Variants in CAMTA1 observed in about 807,000 individuals in gnomAD.
CAMTA1 encodes calmodulin-binding transcription activator 1.
Under a neutral mutation model 170.9 loss-of-function variants are expected in CAMTA1, and 27 were observed. That is an observed-to-expected ratio of 0.16 (90% CI 0.12 to 0.22). CAMTA1 has a LOEUF of 0.22. Ranked by LOEUF, CAMTA1 falls within the 10% of genes least tolerant of loss-of-function variation. The pLI is 1.00. For missense variants in CAMTA1, 1,619 were observed against 2,217.2 expected (o/e 0.73, Z 5.42); for synonymous variants, 833 against 891.5 (o/e 0.93, Z 1.17).
chr1:7,023,370 G>C (rs966574531), intron 3 of CAMTA1, among the ~76,000 whole-genome samples: 2 of 152,224 alleles, frequency 1.3e-5, no homozygotes, highest in African/African-American at 4.8e-5. Flanking sequence ...AAAACTGGGG[G>C]ACTCCCAATG....
chr1:7,676,353 A>T (rs1308593785), intron 10 of CAMTA1, among the ~76,000 whole-genome samples: 1 of 151,978 alleles, frequency 6.6e-6, no homozygotes, highest in East Asian at 1.9e-4. Context: ...CAGAGGAAAA[A>T]CCCATGGGTC....
At chr1:6,964,490 CTT>C (rs1691170657) in intron 3 of CAMTA1, among the ~76,000 whole-genome samples, 1 of 152,124 alleles carries the variant, frequency 6.6e-6, no homozygotes, top group Non-Finnish European at 1.5e-5. Flanking sequence ...ACACTGCAGT[CTT>C]TGTTTCTTGG....
intron 5 of CAMTA1, among the ~76,000 whole-genome samples, chr1:7,434,184 C>T (rs2149374212): frequency 6.6e-6 from 1 of 152,326 alleles, no homozygotes; most frequent in East Asian, 1.9e-4. Flanking sequence ...GGCTGGCCCT[C>T]TGCTGCTCTG....
intron 6 of CAMTA1, among the ~76,000 whole-genome samples, chr1:7,573,106 T>C (rs1452717251): frequency 2.0e-5 from 3 of 152,224 alleles, no homozygotes; most frequent in Non-Finnish European, 2.9e-5. Context: ...GTTCTTGCAC[T>C]GGGCAAACCT....
chr1:6,844,476 A>G (rs148276519), intron 3 of CAMTA1, among the ~76,000 whole-genome samples: 10 of 149,282 alleles, frequency 6.7e-5, no homozygotes, highest in African/African-American at 2.5e-4. Context: ...GTTCAAGACC[A>G]GCCTGGGCAA....
At chr1:6,872,748 C>T (rs761205587) in intron 3 of CAMTA1, among the ~76,000 whole-genome samples, 2 of 152,086 alleles carry the variant, frequency 1.3e-5, no homozygotes, top group African/African-American at 2.4e-5. Flanking sequence ...TTTGAACTGG[C>T]AAGATACTCC....
At chr1:6,851,951 T>C (rs1660521980) in intron 3 of CAMTA1, among the ~76,000 whole-genome samples, 1 of 151,218 alleles carries the variant, frequency 6.6e-6, no homozygotes, top group African/African-American at 2.4e-5. Context: ...AAGGCAGATA[T>C]TGCAGTGAGC....
chr1:7,210,381 G>T (rs544215839), intron 4 of CAMTA1, among the ~76,000 whole-genome samples: 2 of 152,212 alleles, frequency 1.3e-5, no homozygotes, highest in African/African-American at 2.4e-5. Flanking sequence ...ATGCAATTTT[G>T]GCAGGAACAC....
intron 3 of CAMTA1, among the ~76,000 whole-genome samples, chr1:6,992,421 T>G (rs959739559): frequency 1.3e-5 from 2 of 152,234 alleles, no homozygotes; most frequent in Admixed American, 1.3e-4. Context: ...CCATGCCTTC[T>G]CTAAGAAATC....
chr1:7,049,609 A>G (rs1264687757), intron 3 of CAMTA1, among the ~76,000 whole-genome samples: 1 of 152,066 alleles, frequency 6.6e-6, no homozygotes, highest in Non-Finnish European at 1.5e-5. Flanking sequence ...GGGGCCCACC[A>G]CCACACCCAG....
At chr1:7,558,166 C>A (rs1049480422) in intron 6 of CAMTA1, among the ~76,000 whole-genome samples, 1 of 152,236 alleles carries the variant, frequency 6.6e-6, no homozygotes, top group Non-Finnish European at 1.5e-5. Context: ...CTTCCCAGAG[C>A]CCCGTTCTTC....
chr1:7,110,356 T>C (rs1320963235), intron 4 of CAMTA1, among the ~76,000 whole-genome samples: 2 of 152,172 alleles, frequency 1.3e-5, no homozygotes, highest in African/African-American at 4.8e-5. Flanking sequence ...TTTGCAATGA[T>C]TTTTAGCCAC....
At chr1:7,470,070 G>A (rs904186042) in intron 6 of CAMTA1, among the ~76,000 whole-genome samples, 2 of 152,214 alleles carry the variant, frequency 1.3e-5, no homozygotes, top group Admixed American at 6.5e-5. Context: ...CTTCATGGCC[G>A]AGCTGGGGCC....
intron 3 of CAMTA1, among the ~76,000 whole-genome samples, chr1:7,035,766 G>A (rs998744827): frequency 1.3e-5 from 2 of 152,232 alleles, no homozygotes; most frequent in Admixed American, 1.3e-4. Flanking sequence ...TGTGTACAGA[G>A]ACATGAGCAA....
At chr1:6,857,207 G>C (rs751921045) in intron 3 of CAMTA1, among the ~76,000 whole-genome samples, 1 of 152,180 alleles carries the variant, frequency 6.6e-6, no homozygotes, top group African/African-American at 2.4e-5. Context: ...AGGCCCAGCA[G>C]TGGAGCTGGA....
At chr1:7,253,817 A>C (rs1456581676) in intron 5 of CAMTA1, among the ~76,000 whole-genome samples, 3 of 152,002 alleles carry the variant, frequency 2.0e-5, no homozygotes, top group Non-Finnish European at 2.9e-5. Context: ...TTTTCAGATG[A>C]AGTCAGCACC....
intron 5 of CAMTA1, among the ~76,000 whole-genome samples, chr1:7,260,801 A>G (rs1475585819): frequency 6.6e-6 from 1 of 152,240 alleles, no homozygotes; most frequent in Non-Finnish European, 1.5e-5. Context: ...CAGCACGAGA[A>G]AACTGGAGAG....
At chr1:7,367,857 A>G (rs2086103470) in intron 5 of CAMTA1, among the ~76,000 whole-genome samples, 1 of 151,888 alleles carries the variant, frequency 6.6e-6, no homozygotes, top group African/African-American at 2.4e-5. Flanking sequence ...CTGGGCACTC[A>G]TGGTTTCGTT....
chr1:7,404,512 G>A (rs59120065), intron 5 of CAMTA1, among the ~76,000 whole-genome samples: 3,101 of 152,366 alleles, frequency 0.02, 104 homozygotes, highest in African/African-American at 0.07. Context: ...CACGCACAGA[G>A]CTGATGGGAA....
Sources: gnomAD v4.1 joint callset for allele counts (sites outside exome capture counted in the v4.1 genomes callset) on GRCh38, gnomAD v4.1.1 for gene constraint, MANE v1.5 for transcripts, NCBI Gene and HGNC (gene_info 2026-07-23, HGNC 2026-07-21) for gene names.